COL21A1: variants seen among roughly 807,000 people sequenced by gnomAD.
COL21A1 encodes collagen type XXI alpha 1 chain.
Under a neutral mutation model 137.9 loss-of-function variants are expected in COL21A1, and 149 were observed. The observed-to-expected ratio is 1.08, with a 90% CI of 0.95 to 1.24. The LOEUF (loss-of-function observed/expected upper bound fraction) is 1.24, where lower values mean the gene tolerates loss of function less well. COL21A1 is among the 50% of genes most tolerant of loss of function. The probability of loss-of-function intolerance (pLI) is 0.00; values close to 1 mark genes in which losing one functional copy is unlikely to be tolerated. For synonymous variants in COL21A1, 456 were observed against 391.5 expected (o/e 1.16, Z -1.95); for missense variants, 1,167 against 1,158.4 (o/e 1.01, Z -0.11).
intron 21 of COL21A1, among the ~76,000 whole-genome samples, chr6:56,070,028 T>C (rs1035238027): frequency 4.6e-5 from 7 of 151,502 alleles, no homozygotes; most frequent in African/African-American, 1.5e-4. Context: ...TGAAATAAAG[T>C]TTTTTGTTTT....
chr6:56,386,777 T>G (rs936032574), intron 1 of COL21A1, among the ~76,000 whole-genome samples: 2 of 152,138 alleles, frequency 1.3e-5, no homozygotes, highest in Non-Finnish European at 2.9e-5. Context: ...AAAAAGAAAG[T>G]AGAAAAGCCA....
chr6:56,310,148 T>C (rs9370520), intron 1 of COL21A1, among the ~76,000 whole-genome samples: 130,147 of 152,152 alleles, frequency 0.86, 57,889 homozygotes, highest in South Asian at 0.99. Context: ...AAGAAGACAC[T>C]AAACATCTGT....
At chr6:56,105,846 C>T (rs1327325813) in intron 16 of COL21A1, among the ~76,000 whole-genome samples, 1 of 152,150 alleles carries the variant, frequency 6.6e-6, no homozygotes, top group Non-Finnish European at 1.5e-5. Context: ...CCTTTTCTGT[C>T]TTTGGTTCTT....
chr6:56,191,812 C>T (rs72876033), intron 1 of COL21A1, among the ~76,000 whole-genome samples: 55 of 151,438 alleles, frequency 3.6e-4, no homozygotes, highest in African/African-American at 1.1e-3. Context: ...AATGGCCACA[C>T]TGCCCATTGC....
intron 1 of COL21A1, among the ~76,000 whole-genome samples, chr6:56,284,970 G>A (rs943259093): frequency 6.6e-6 from 1 of 152,160 alleles, no homozygotes; most frequent in Admixed American, 6.5e-5. Context: ...AAGCCCCCAG[G>A]TGATTCAAAT....
At chr6:56,365,374 A>T (rs1766072882) in intron 1 of COL21A1, among the ~76,000 whole-genome samples, 1 of 152,162 alleles carries the variant, frequency 6.6e-6, no homozygotes, top group South Asian at 2.1e-4. Context: ...AGACCTGTGT[A>T]CCTTTCAACT....
intron 1 of COL21A1, among the ~76,000 whole-genome samples, chr6:56,215,010 C>T (rs1780394267): frequency 6.6e-6 from 1 of 152,188 alleles, no homozygotes; most frequent in South Asian, 2.1e-4. Flanking sequence ...TCATCACATC[C>T]AGTAACTATC....
At chr6:56,192,127 T>C (rs1582605545) in intron 1 of COL21A1, among the ~76,000 whole-genome samples, 1 of 152,132 alleles carries the variant, frequency 6.6e-6, no homozygotes, top group Non-Finnish European at 1.5e-5. Flanking sequence ...TAAATGGTGT[T>C]GGGAAAACTA....
intron 1 of COL21A1, among the ~76,000 whole-genome samples, chr6:56,295,967 T>C (rs1764156109): frequency 6.6e-6 from 1 of 151,942 alleles, no homozygotes; most frequent in Admixed American, 6.6e-5. Context: ...TACAGTATGA[T>C]ATTGAATAGG....
intron 1 of COL21A1, among the ~76,000 whole-genome samples, chr6:56,389,596 C>T (rs1316768249): frequency 6.6e-6 from 1 of 152,018 alleles, no homozygotes; most frequent in African/African-American, 2.4e-5. Flanking sequence ...TTATATAACA[C>T]CAAGTGGATT....
At chr6:56,154,907 C>T (rs2152255174) in intron 10 of COL21A1, among the ~76,000 whole-genome samples, 1 of 152,200 alleles carries the variant, frequency 6.6e-6, no homozygotes, top group East Asian at 1.9e-4. Flanking sequence ...AAAAATTTCC[C>T]CAAGTTTGCT....
chr6:56,133,498 T>C (rs886711131), intron 12 of COL21A1, among the ~76,000 whole-genome samples: 1 of 152,160 alleles, frequency 6.6e-6, no homozygotes. Flanking sequence ...GATAATGTGA[T>C]AGAAAAGAAA....
In COL21A1 at chr6:56,333,357, T is replaced by A. The variant is rs148717041; in HGVS notation, c.-39+60614A>T. Among the ~76,000 whole-genome samples, 578 of 146,234 alleles carry A rather than the reference T, an allele frequency of 4.0e-3. 5 individuals are homozygous for A. The highest frequency in any genetic ancestry group is 0.014 in the African/African-American group (553 of 39,998). On this transcript the variant is annotated intron_variant, in intron 1 of 28. Transcript: ENST00000370819. ...CCTGTCATCATAGATTACTTTGCAG[T>A]GTTTGAGAAATTTATACAGATAAAC...
chr6:56,322,860 T>C (rs1368192323), intron 1 of COL21A1, among the ~76,000 whole-genome samples: 1 of 137,252 alleles, frequency 7.3e-6, no homozygotes, highest in Non-Finnish European at 1.5e-5. Flanking sequence ...CAGAGGTCGA[T>C]GGATCAAAAC....
chr6:56,228,616 A>G (rs944506185), intron 1 of COL21A1, among the ~76,000 whole-genome samples: 1 of 151,310 alleles, frequency 6.6e-6, no homozygotes, highest in African/African-American at 2.4e-5. Flanking sequence ...CTAAAAAAGT[A>G]TGGACAGATG....
intron 10 of COL21A1, among the ~76,000 whole-genome samples, chr6:56,147,348 T>TG (rs1423332085): frequency 6.6e-6 from 1 of 151,234 alleles, no homozygotes; most frequent in African/African-American, 2.4e-5. Flanking sequence ...ATGACAAGGT[T>TG]GGGGGGTTGT....
chr6:56,081,206 C>T (rs764192685), intron 17 of COL21A1, among the ~76,000 whole-genome samples: 132 of 151,646 alleles, frequency 8.7e-4, no homozygotes, highest in Non-Finnish European at 1.7e-3. Flanking sequence ...CATGTCTCTA[C>T]GTTTTGTCCT....
intron 1 of COL21A1, among the ~76,000 whole-genome samples, chr6:56,265,417 T>TACA (rs977538396): frequency 4.6e-5 from 7 of 152,242 alleles, no homozygotes; most frequent in Non-Finnish European, 1.0e-4. Context: ...GCCCAGGGGC[T>TACA]ACAACAGAGC....
At chr6:56,114,878 G>A (rs1419630311) in intron 16 of COL21A1, among the ~76,000 whole-genome samples, 1 of 104,600 alleles carries the variant, frequency 9.6e-6, no homozygotes, top group Non-Finnish European at 2.1e-5. Flanking sequence ...GCACACGTAT[G>A]TTTATTGTGG....
Sources: allele counts gnomAD v4.1 joint callset (sites outside exome capture counted in the v4.1 genomes callset), GRCh38; gene constraint gnomAD v4.1.1; transcripts MANE v1.5; gene names NCBI Gene and HGNC (gene_info 2026-07-23, HGNC 2026-07-21).